The following FAM83B variants were observed in gnomAD, a reference collection of about 807,000 sequenced individuals.
The protein encoded by FAM83B is scaffolding CK1 anchoring protein B, also known as protein FAM83B.
Under a neutral mutation model 38.8 loss-of-function variants are expected in FAM83B, and 26 were observed. That is an observed-to-expected ratio of 0.67 (90% CI 0.49 to 0.93). The LOEUF is 0.93. Ranked by LOEUF, FAM83B falls within the 40% of genes least tolerant of loss-of-function variation. The pLI, the probability that FAM83B is intolerant of heterozygous loss-of-function variation, is 0.00. For synonymous variants in FAM83B, 419 were observed against 423.1 expected (o/e 0.99, Z 0.12); for missense variants, 1,237 against 1,197.3 (o/e 1.03, Z -0.49).
intron 2 of FAM83B, among the ~76,000 whole-genome samples, chr6:54,896,262 AC>A (rs1772531216): frequency 6.6e-6 from 1 of 152,230 alleles, no homozygotes; most frequent in Admixed American, 6.5e-5. Context: ...AACTGATTAT[AC>A]CAAAAGCATA....
intron 4 of FAM83B, among the ~76,000 whole-genome samples, chr6:54,930,818 T>C (rs1773403911): frequency 6.6e-6 from 1 of 152,156 alleles, no homozygotes; most frequent in Non-Finnish European, 1.5e-5. Context: ...AAATGTTTTA[T>C]TGATAAAAAT....
At chr6:54,888,078 G>A (rs192845733) in intron 2 of FAM83B, among the ~76,000 whole-genome samples, 1 of 139,604 alleles carries the variant, frequency 7.2e-6, no homozygotes, top group African/African-American at 2.6e-5. Flanking sequence ...CCTCATTTAT[G>A]AGCTTGTTTG....
At chr6:54,852,545 C>G (rs761118967) in intron 1 of FAM83B, among the ~76,000 whole-genome samples, 2 of 152,158 alleles carry the variant, frequency 1.3e-5, no homozygotes, top group Non-Finnish European at 2.9e-5. Flanking sequence ...AATTAGGCCA[C>G]TTAATAACTC....
chr6:54,942,089 T>A lies in FAM83B; in HGVS notation c.*82T>A. 2 of 1,370,766 alleles carry A rather than the reference T, an allele frequency of 1.5e-6. No homozygotes were observed. The highest frequency in any genetic ancestry group is 2.9e-5 in the South Asian group (2 of 67,824). 84.9% of individuals were successfully genotyped at this position (1,370,766 alleles called of 1,614,324 possible). ...CAGTCTTTGTAACATGCCAATAGAT[T>A]TTCCTAAGGACAGAATTATGGGTAT... is the stretch of plus-strand genomic sequence containing the variant. On this transcript the variant is annotated 3_prime_UTR_variant, in exon 5 of 5. Coordinates refer to ENST00000306858, the MANE Select transcript of FAM83B (RefSeq NM_001010872.3).
intron 2 of FAM83B, among the ~76,000 whole-genome samples, chr6:54,881,091 A>G (rs1054192659): frequency 2.0e-5 from 3 of 152,238 alleles, no homozygotes; most frequent in Non-Finnish European, 4.4e-5. Flanking sequence ...CAATGGCATA[A>G]CAAAATAGGG....
In FAM83B at chr6:54,941,650, G is replaced by T. The variant is rs1477109310; in HGVS notation, c.2679G>T (p.Gln893His). 1.2e-5 allele frequency: 19 copies of T among 1,613,976 alleles called. No homozygotes were observed. The highest frequency in any genetic ancestry group is 1.6e-5 in the Non-Finnish European group (19 of 1,180,028). ...DASAPRFNTEQIQYRDSREIN... is the reference protein window; with the variant it reads ...DASAPRFNTEHIQYRDSREIN... ...CTGCCCCAAGATTTAACACTGAACA[G>T]ATCCAATACCGAGATTCAAGGGAGA... The change falls in exon 5 of 5, where the codon CAG (glutamine) becomes CAT (histidine). Residue 893 changes from glutamine (Q) to histidine (H), a missense_variant. Gln to His is a conservative substitution (Grantham distance 24, BLOSUM62 0). Coordinates refer to ENST00000306858, the MANE Select transcript of FAM83B (RefSeq NM_001010872.3).
Position 54,941,589 on chromosome 6 carries a change from T to A in FAM83B, c.2618T>A (p.Val873Asp). 1 of 1,614,070 alleles carries A rather than the reference T, an allele frequency of 6.2e-7. No homozygotes were observed. Among genetic ancestry groups the A allele is most frequent in the Non-Finnish European group, 8.5e-7 (1 of 1,179,998 alleles). The change falls in exon 5 of 5, where the codon GTT becomes GAT. Residue 873 changes from valine (V) to aspartate (D), a missense_variant. Val to Asp is a radical substitution (Grantham distance 152, BLOSUM62 -3). Coordinates refer to ENST00000306858, the MANE Select transcript of FAM83B (RefSeq NM_001010872.3). ...AAAAGAACACCTTCTCCAGGTCCAG[T>A]TGAAAGCAAGTTCTTGGAAAGGGCA... The part of the protein sequence containing the change: ...ENKRTPSPGP[V>D]ESKFLERAGD...
chr6:54,938,899 A>G (rs558650819), intron 4 of FAM83B, among the ~76,000 whole-genome samples: 65 of 151,904 alleles, frequency 4.3e-4, no homozygotes, highest in African/African-American at 1.6e-3. Flanking sequence ...TTTTTGTTGC[A>G]TTTGTTTTGG....
At chr6:54,853,935 G>A (rs1308392686) in intron 1 of FAM83B, among the ~76,000 whole-genome samples, 1 of 152,190 alleles carries the variant, frequency 6.6e-6, no homozygotes, top group Non-Finnish European at 1.5e-5. Flanking sequence ...ATCCATGGGA[G>A]GCGGTCAAAA....
rs1303608954 is a variant in FAM83B at position 54,940,550 on chromosome 6, G to A, written c.1579G>A (p.Glu527Lys). ...GDRFEGYDNPENLKANALYTH... is the reference protein window; with the variant it reads ...GDRFEGYDNPKNLKANALYTH... ...CCGATTTGAGGGCTATGATAATCCTGAGAATTTGAAGGCCAATGCCCTTTA... is the reference window on the plus strand; with the variant it reads ...CCGATTTGAGGGCTATGATAATCCTAAGAATTTGAAGGCCAATGCCCTTTA... The change falls in exon 5 of 5, where the codon GAG (glutamate) becomes AAG (lysine). Residue 527 changes from glutamate to lysine, a missense_variant. Physicochemically the swap from Glu to Lys is moderately conservative, Grantham distance 56. Coordinates refer to ENST00000306858, the MANE Select transcript of FAM83B (RefSeq NM_001010872.3). 6.2e-7 allele frequency: 1 copy of A among 1,614,026 alleles called. No individual in the cohort carries two copies. The highest frequency in any genetic ancestry group is 8.5e-7 in the Non-Finnish European group (1 of 1,180,016).
At chr6:54,894,331 A>T (rs902063162) in intron 2 of FAM83B, among the ~76,000 whole-genome samples, 1 of 151,992 alleles carries the variant, frequency 6.6e-6, no homozygotes. Flanking sequence ...TTTCCCTGAC[A>T]GAATTTGGTA....
chr6:54,886,329 A>G (rs1009186038), intron 2 of FAM83B, among the ~76,000 whole-genome samples: 2 of 151,856 alleles, frequency 1.3e-5, no homozygotes, highest in African/African-American at 2.4e-5. Context: ...TTGTTTTCCC[A>G]GTTCTCTGGA....
At chr6:54,848,487 G>A (rs139559106) in intron 1 of FAM83B, among the ~76,000 whole-genome samples, 31 of 152,302 alleles carry the variant, frequency 2.0e-4, no homozygotes, top group African/African-American at 6.0e-4. Context: ...CACACCTCTG[G>A]TGCTGACTCA....
intron 2 of FAM83B, among the ~76,000 whole-genome samples, chr6:54,877,124 A>G (rs1356775504): frequency 2.0e-5 from 3 of 152,212 alleles, no homozygotes; most frequent in Non-Finnish European, 2.9e-5. Flanking sequence ...CTAAGCCACA[A>G]AAATAACTGC....
chr6:54,905,871 A>T lies in FAM83B; in HGVS notation c.445-20500A>T, dbSNP rs111999470. Among the ~76,000 whole-genome samples, 54 of 151,800 alleles carry T rather than the reference A, an allele frequency of 3.6e-4. 4 individuals are homozygous for T. The highest frequency in any genetic ancestry group is 1.3e-3 in the African/African-American group (53 of 41,430). On this transcript the variant is annotated intron_variant, in intron 2 of 4. Transcript: ENST00000306858. ...GAATTCTCCATTTCTGTTTTTCCCC[A>T]TTTGCCCCCTATAAACATGTTTTTC...
Position 54,941,611 on chromosome 6 carries a change from G to A in FAM83B, c.2640G>A (p.Arg880=). Residue 880 remains arginine, a synonymous_variant, in exon 5 of 5, where the codon AGG becomes AGA. Transcript: ENST00000306858. ...CAGTTGAAAGCAAGTTCTTGGAAAG[G>A]GCAGGAGATGCCTCTGCCCCAAGAT... is the stretch of plus-strand genomic sequence containing the variant. ...PGPVESKFLE[R]AGDASAPRFN... The A allele has an allele frequency of 6.2e-7, 1 of 1,614,024 alleles. No individual in the cohort carries two copies. The highest frequency in any genetic ancestry group is 1.7e-5 in the Admixed American group (1 of 59,964).
chr6:54,927,677 G>T, intron 4 of FAM83B, 45 bp downstream of exon 4: 1 of 1,064,558 alleles, frequency 9.4e-7, no homozygotes, highest in Non-Finnish European at 1.2e-6. Flanking sequence ...TCGTTTTGAT[G>T]ATTTATTAGT....
intron 2 of FAM83B, among the ~76,000 whole-genome samples, chr6:54,899,059 G>T (rs1458713836): frequency 6.6e-6 from 1 of 152,158 alleles, no homozygotes; most frequent in East Asian, 1.9e-4. Flanking sequence ...AGACTTTGAA[G>T]TCCTTGAGAT....
rs755694372 is a variant in FAM83B, at chr6:54,940,378, G to T, written c.1407G>T (p.Gly469=). Residue 469 remains glycine, a synonymous_variant, in exon 5 of 5, where the codon GGG becomes GGT. Coordinates refer to ENST00000306858, the MANE Select transcript of FAM83B (RefSeq NM_001010872.3). ...CAAATGTTCGGAGGTCTTTTAATGG[G>T]ACAGATAACCATATCCGCTTTTTGC... ...RNSNVRRSFN[G]TDNHIRFLQQ... 1.9e-6 allele frequency: 3 copies of T among 1,614,048 alleles called. No homozygotes were observed. Among genetic ancestry groups the T allele is most frequent in the Non-Finnish European group, 2.5e-6 (3 of 1,179,990 alleles).
Sources: allele counts gnomAD v4.1 joint callset (sites outside exome capture counted in the v4.1 genomes callset), GRCh38; gene constraint gnomAD v4.1.1; transcripts MANE v1.5; gene names NCBI Gene and HGNC (gene_info 2026-07-23, HGNC 2026-07-21).